FHIP1B: variants seen among roughly 807,000 people sequenced by gnomAD.
The protein encoded by FHIP1B is FHF complex subunit HOOK-interacting protein 1B.
A neutral mutation model predicts 82.2 loss-of-function variants in FHIP1B; 28 were observed. That is an observed-to-expected ratio of 0.34 (90% CI 0.25 to 0.47). The LOEUF is 0.47. FHIP1B is among the 20% of genes least tolerant of loss of function. The pLI is 1.00. For synonymous variants in FHIP1B, 585 were observed against 516.1 expected (o/e 1.13, Z -1.81); for missense variants, 1,110 against 1,262.6 (o/e 0.88, Z 1.83).
In FHIP1B at chr11:6,213,077, T is replaced by C. The variant is rs187711560; in HGVS notation, c.2558-1210A>G. The stretch of plus-strand genomic sequence containing the variant: ...GAACTTAAGGGCCTAGACTGTGTCT[T>C]GTCTACCTTGTCTACCTGGCCCCTC... On this transcript the variant is annotated intron_variant, in intron 11 of 11. Coordinates refer to ENST00000449352, the MANE Select transcript of FHIP1B (RefSeq NM_001098794.2). Among the ~76,000 whole-genome samples, 33 of 152,326 alleles carry C rather than the reference T, an allele frequency of 2.2e-4. No homozygotes were observed. In the East Asian group the frequency reaches 4.2e-3, roughly 20 times the overall value.
At chr11:6,227,266 T>A (rs774788732) in intron 1 of FHIP1B, among the ~76,000 whole-genome samples, 1 of 152,254 alleles carries the variant, frequency 6.6e-6, no homozygotes, top group South Asian at 2.1e-4. Flanking sequence ...ATTTAAGTAT[T>A]ATTATCCACA....
intron 6 of FHIP1B, among the ~76,000 whole-genome samples, chr11:6,219,905 GC>G (rs1847358480): frequency 6.6e-6 from 1 of 152,162 alleles, no homozygotes; most frequent in Non-Finnish European, 1.5e-5. Context: ...CAACCACACA[GC>G]AAGAAAAACA....
At position 6,211,540 on chromosome 11, in the gene FHIP1B, G is replaced by C. The variant is rs1461367896; in HGVS notation, c.2885C>G (p.Pro962Arg). ...GAGGGGCCCACAGCCTGAGATGAGA[G>C]GGCCAGATCCTTCCTCTGAAGTCTC... Reference protein sequence around the residue: ...LLETSEEGSGPLISGCGPLNP With the variant: ...LLETSEEGSGRLISGCGPLNP Residue 962 changes from proline to arginine, a missense_variant, in exon 12 of 12, where the codon CCT becomes CGT. Around this residue, in one of 6 missense-constraint regions of FHIP1B, gnomAD observed 29 missense variants for 21.5 expected, o/e 1.35. Transcript: ENST00000449352. 6 of 1,610,044 alleles carry C rather than the reference G, an allele frequency of 3.7e-6. No individual in the cohort carries two copies. Among genetic ancestry groups the C allele is most frequent in the Non-Finnish European group, 5.1e-6 (6 of 1,178,428 alleles).
intron 6 of FHIP1B, 28 bp downstream of exon 6, chr11:6,222,414 T>C: frequency 6.2e-7 from 1 of 1,611,592 alleles, no homozygotes. Flanking sequence ...GTCATCCAGG[T>C]AAGCTAGGAC....
chr11:6,230,977 G>A (rs577625068), intron 1 of FHIP1B, among the ~76,000 whole-genome samples: 2 of 152,346 alleles, frequency 1.3e-5, no homozygotes, highest in South Asian at 4.1e-4. Context: ...AAATTTGGAT[G>A]TTGTCCTACA....
rs1321944715 is a variant in FHIP1B, at chr11:6,223,164, G to C, written c.852C>G (p.His284Gln). The change falls in exon 4 of 12, where the codon CAC becomes CAG. Residue 284 changes from histidine to glutamine, a missense_variant. By Grantham distance (24) the His-to-Gln change is conservative. Coordinates refer to ENST00000449352, the MANE Select transcript of FHIP1B (RefSeq NM_001098794.2). The surrounding 1 kb of genome is among the most constrained non-coding windows in gnomAD (Gnocchi z 4.8). ...CCAGCCAGTCTTCCCGTCGCAGACAGTGCCAATCATCCCCTGGAACCTCAA... is the reference window on the plus strand; with the variant it reads ...CCAGCCAGTCTTCCCGTCGCAGACACTGCCAATCATCCCCTGGAACCTCAA... Reference protein sequence around the residue: ...RKIEVPGDDWHCLRREDWLGV... With the variant: ...RKIEVPGDDWQCLRREDWLGV... The C allele has an allele frequency of 6.2e-7, 1 of 1,609,442 alleles. No individual in the cohort carries two copies. The highest frequency in any genetic ancestry group is 1.7e-5 in the Admixed American group (1 of 58,014).
In FHIP1B at chr11:6,224,725, T is replaced by C. The variant is rs1260547012; in HGVS notation, c.-191-18A>G. ...TTCTAAATCTAATTCAGAGAAGAGATAATGGAAGGGATAAATAGAAGCTCA... is the reference window on the plus strand; with the variant it reads ...TTCTAAATCTAATTCAGAGAAGAGACAATGGAAGGGATAAATAGAAGCTCA... On this transcript the variant is annotated intron_variant, in intron 1 of 11. Transcript: ENST00000449352. The C allele has an allele frequency of 1.9e-5, 11 of 565,688 alleles. No individual in the cohort carries two copies. Among genetic ancestry groups the C allele is most frequent in the Middle Eastern group, 4.6e-4 (1 of 2,176 alleles). The allele number at this position is 565,688 out of a possible 1,614,324, so 35.0% of individuals were successfully genotyped here.
chr11:6,224,295 T>A (rs749255741), intron 2 of FHIP1B, 47 bp from the exon 3 acceptor site: 4 of 1,613,796 alleles, frequency 2.5e-6, no homozygotes, highest in Non-Finnish European at 3.4e-6. Flanking sequence ...TTGATAAGGT[T>A]ACTAAATGGG....
In FHIP1B at chr11:6,211,707, G is replaced by T; in HGVS notation, c.2718C>A (p.Leu906=). ...GGCGTTCAGGGGCCCCGCCCCGGGT[G>T]AGTAGAACTGGAGTTGAAGCCCCAG... ...GSPGASTPVL[L]TRGGAPERQG... The change falls in exon 12 of 12, where the codon CTC becomes CTA. Residue 906 remains leucine, a synonymous_variant. Coordinates refer to ENST00000449352, the MANE Select transcript of FHIP1B (RefSeq NM_001098794.2). 6.2e-7 allele frequency: 1 copy of T among 1,614,230 alleles called. No homozygotes were observed. Among genetic ancestry groups the T allele is most frequent in the Non-Finnish European group, 8.5e-7 (1 of 1,180,022 alleles).
chr11:6,221,393 A>G (rs1322466490), intron 6 of FHIP1B, among the ~76,000 whole-genome samples: 1 of 152,200 alleles, frequency 6.6e-6, no homozygotes. Flanking sequence ...AATAAATGCC[A>G]TGAAGTCCAT....
chr11:6,217,782 C>A lies in FHIP1B; in HGVS notation c.1804G>T (p.Asp602Tyr), dbSNP rs1444808212. Reference protein sequence around the residue: ...TKKRSLLPEEDRNNVGEGEEE... With the variant: ...TKKRSLLPEEYRNNVGEGEEE... ...TCCCCTTCCCCCACGTTGTTCCTGT[C>A]CTCCTCAGGCAGTAGGCTGCGTTTC... The change falls in exon 9 of 12, where the codon GAC (aspartate) becomes TAC (tyrosine). Residue 602 changes from aspartate (D) to tyrosine (Y), a missense_variant. Physicochemically the swap from Asp to Tyr is radical, Grantham distance 160. This residue lies in a region of FHIP1B where 418 missense variants were observed against 371.4 expected (regional missense o/e 1.13). Coordinates refer to ENST00000449352, the MANE Select transcript of FHIP1B (RefSeq NM_001098794.2). 2.5e-6 allele frequency: 4 copies of A among 1,584,976 alleles called. No individual in the cohort carries two copies. The highest frequency in any genetic ancestry group is 3.4e-6 in the Non-Finnish European group (4 of 1,164,486).
At chr11:6,213,621 G>T (rs1234638476) in intron 11 of FHIP1B, among the ~76,000 whole-genome samples, 1 of 152,134 alleles carries the variant, frequency 6.6e-6, no homozygotes, top group Non-Finnish European at 1.5e-5. Flanking sequence ...AAATGTTCAA[G>T]ATACCTGTTA....
In FHIP1B at chr11:6,211,421, T is replaced by G; in HGVS notation, c.*85A>C. The G allele has an allele frequency of 6.8e-7, 1 of 1,469,852 alleles. No individual in the cohort carries two copies. Among genetic ancestry groups the G allele is most frequent in the East Asian group, 2.3e-5 (1 of 42,624 alleles). The allele number at this position is 1,469,852 out of a possible 1,614,324, so 91.1% of individuals were successfully genotyped here. On this transcript the variant is annotated 3_prime_UTR_variant, in exon 12 of 12. Transcript: ENST00000449352. The stretch of plus-strand genomic sequence containing the variant: ...TCTGAAATAAATTAAAAAGTCCTTT[T>G]GCCACTGCCTCCAAACATAAAAAGG...
intron 6 of FHIP1B, among the ~76,000 whole-genome samples, chr11:6,220,597 A>G (rs1531480): frequency 0.7 from 106,922 of 152,086 alleles, 39,957 homozygotes; most frequent in East Asian, 0.96. Flanking sequence ...CCACAGTGGA[A>G]AGGAAAGCAT....
At chr11:6,222,982 T>C in intron 4 of FHIP1B, 85 bp from the exon 5 acceptor site, 1 of 1,572,842 alleles carries the variant, frequency 6.4e-7, no homozygotes, top group African/African-American at 1.4e-5. Context: ...CAGAGAGGCA[T>C]CCTACTTCCA....
intron 9 of FHIP1B, 170 bp downstream of exon 9, chr11:6,217,201 G>A: frequency 4.2e-6 from 3 of 721,400 alleles, no homozygotes; most frequent in Non-Finnish European, 7.5e-6. Flanking sequence ...GACAGACACA[G>A]GGACACAAGT....
intron 1 of FHIP1B, among the ~76,000 whole-genome samples, chr11:6,229,741 G>C (rs544199490): frequency 5.3e-5 from 8 of 151,890 alleles, no homozygotes; most frequent in Non-Finnish European, 8.8e-5. Flanking sequence ...CCTGCCCACC[G>C]CAGTTCTACA....
chr11:6,215,682 G>T (rs917853342), intron 9 of FHIP1B, among the ~76,000 whole-genome samples: 1 of 152,210 alleles, frequency 6.6e-6, no homozygotes, highest in Non-Finnish European at 1.5e-5. Flanking sequence ...ACTGACTGAG[G>T]ACAGACTCTT....
chr11:6,221,652 A>G (rs1017475855), intron 6 of FHIP1B, among the ~76,000 whole-genome samples: 16 of 152,024 alleles, frequency 1.1e-4, no homozygotes, highest in African/African-American at 3.9e-4. Flanking sequence ...TGTCCTTTGC[A>G]TGCTGTTCCC....
Sources: allele counts gnomAD v4.1 joint callset (sites outside exome capture counted in the v4.1 genomes callset), GRCh38; gene constraint gnomAD v4.1.1; regional missense constraint gnomAD v4.1.1; non-coding constraint Gnocchi (gnomAD v3.1); transcripts MANE v1.5; gene names NCBI Gene and HGNC (gene_info 2026-07-23, HGNC 2026-07-21).